MSRA: variants seen among roughly 807,000 people sequenced by gnomAD.
MSRA encodes the protein methionine sulfoxide reductase A, also known as mitochondrial peptide methionine sulfoxide reductase.
A neutral mutation model predicts 31.3 loss-of-function variants in MSRA; 54 were observed. That is an observed-to-expected ratio of 1.73 (90% CI 1.39 to 2.17). The LOEUF is 2.17. MSRA is among the 30% of genes most tolerant of loss of function. The pLI is 0.00. For synonymous variants in MSRA, 169 were observed against 116.5 expected, an observed-to-expected ratio of 1.45 and a Z score of -2.90; for missense variants, 507 against 300.9, an observed-to-expected ratio of 1.69 and a Z score of -5.07.
intron 3 of MSRA, among the ~76,000 whole-genome samples, chr8:10,298,784 C>T (rs11249983): frequency 0.2 from 30,595 of 152,030 alleles, 4,172 homozygotes; most frequent in East Asian, 0.65. Flanking sequence ...GAGTATACCA[C>T]GTTTGTTTCC....
intron 3 of MSRA, among the ~76,000 whole-genome samples, chr8:10,278,752 T>G (rs761739450): frequency 1.3e-5 from 2 of 152,204 alleles, no homozygotes; most frequent in Non-Finnish European, 2.9e-5. Flanking sequence ...CAGAAATGGT[T>G]AGTATTTGTG....
intron 5 of MSRA, among the ~76,000 whole-genome samples, chr8:10,384,790 T>C (rs1281702989): frequency 2.6e-5 from 4 of 152,134 alleles, no homozygotes; most frequent in Admixed American, 2.0e-4. Context: ...GGCAGATCCC[T>C]TGAGGACAGG....
intron 3 of MSRA, among the ~76,000 whole-genome samples, chr8:10,264,738 C>G (rs1798657724): frequency 6.6e-6 from 1 of 152,210 alleles, no homozygotes; most frequent in Non-Finnish European, 1.5e-5. Flanking sequence ...AGCCTTGAGT[C>G]TTGATGAATG....
intron 5 of MSRA, among the ~76,000 whole-genome samples, chr8:10,339,908 C>A (rs1803313521): frequency 6.6e-6 from 1 of 152,128 alleles, no homozygotes; most frequent in African/African-American, 2.4e-5. Context: ...TATGGTCTGC[C>A]CTTCTAGGCT....
intron 3 of MSRA, among the ~76,000 whole-genome samples, chr8:10,298,015 G>C (rs1163109906): frequency 6.6e-6 from 1 of 152,152 alleles, no homozygotes. Context: ...ATAGTAGGAG[G>C]TTGAGCTTCA....
chr8:10,175,142 C>A (rs1388251894), intron 1 of MSRA, among the ~76,000 whole-genome samples: 1 of 152,120 alleles, frequency 6.6e-6, no homozygotes, highest in Non-Finnish European at 1.5e-5. Context: ...TATGGCCGTC[C>A]CGGTCACTTC....
At chr8:10,356,811 A>G (rs1482224569) in intron 5 of MSRA, among the ~76,000 whole-genome samples, 1 of 150,862 alleles carries the variant, frequency 6.6e-6, no homozygotes, top group African/African-American at 2.4e-5. Context: ...CACCCAGTCC[A>G]TGGTATGTTG....
intron 1 of MSRA, among the ~76,000 whole-genome samples, chr8:10,073,197 G>A (rs1303772773): frequency 1.3e-5 from 2 of 152,096 alleles, no homozygotes; most frequent in Non-Finnish European, 1.5e-5. Flanking sequence ...ATCTATCTTA[G>A]GGGAAAAGCA....
chr8:10,342,627 A>G (rs1427563934), intron 5 of MSRA, among the ~76,000 whole-genome samples: 1 of 152,224 alleles, frequency 6.6e-6, no homozygotes, highest in East Asian at 1.9e-4. Flanking sequence ...ATCACTGAGC[A>G]GCACAGCTGG....
chr8:10,143,751 G>C (rs1802902261), intron 1 of MSRA, among the ~76,000 whole-genome samples: 1 of 152,152 alleles, frequency 6.6e-6, no homozygotes, highest in Non-Finnish European at 1.5e-5. Context: ...CCCATGGGAA[G>C]GGCAAGCACC....
At chr8:10,088,460 C>G (rs116405757) in intron 1 of MSRA, among the ~76,000 whole-genome samples, 1 of 152,018 alleles carries the variant, frequency 6.6e-6, no homozygotes, top group Non-Finnish European at 1.5e-5. Flanking sequence ...ACTGGCCAGG[C>G]GTGGTGGCTC....
chr8:10,261,553 C>G (rs183593392), intron 3 of MSRA, among the ~76,000 whole-genome samples: 2 of 151,830 alleles, frequency 1.3e-5, no homozygotes, highest in East Asian at 1.9e-4. Context: ...TTTTTAAGGA[C>G]TTTAATTTTT....
chr8:10,210,824 C>G (rs903100653), intron 2 of MSRA, among the ~76,000 whole-genome samples: 2 of 151,648 alleles, frequency 1.3e-5, no homozygotes, highest in African/African-American at 2.4e-5. Flanking sequence ...ACCTCCACTT[C>G]CCGAGTTCAA....
chr8:10,348,277 C>T (rs537461472), intron 5 of MSRA, among the ~76,000 whole-genome samples: 21 of 149,822 alleles, frequency 1.4e-4, no homozygotes, highest in Admixed American at 4.0e-4. Flanking sequence ...GCCTTCTCCG[C>T]GGAGATTTTT....
chr8:10,329,441 A>G (rs1802565977), intron 5 of MSRA, among the ~76,000 whole-genome samples: 1 of 152,178 alleles, frequency 6.6e-6, no homozygotes, highest in Non-Finnish European at 1.5e-5. Flanking sequence ...CTCGTCCTGC[A>G]TCTCTCTAAT....
At chr8:10,266,236 T>C (rs944741286) in intron 3 of MSRA, among the ~76,000 whole-genome samples, 1 of 152,270 alleles carries the variant, frequency 6.6e-6, no homozygotes, top group African/African-American at 2.4e-5. Flanking sequence ...TCCAGTTTCT[T>C]CACTTGCTCA....
chr8:10,274,857 A>G (rs773891617), intron 3 of MSRA, among the ~76,000 whole-genome samples: 3 of 152,082 alleles, frequency 2.0e-5, no homozygotes, highest in Non-Finnish European at 4.4e-5. Context: ...GCAACCATCC[A>G]TCTACCCACC....
intron 5 of MSRA, among the ~76,000 whole-genome samples, chr8:10,332,596 G>A (rs1802772146): frequency 6.6e-6 from 1 of 152,138 alleles, no homozygotes; most frequent in Non-Finnish European, 1.5e-5. Flanking sequence ...CCATTTCTGG[G>A]AGGCAGGCAC....
At chr8:10,375,851 G>A (rs1269825633) in intron 5 of MSRA, among the ~76,000 whole-genome samples, 1 of 152,218 alleles carries the variant, frequency 6.6e-6, no homozygotes, top group Non-Finnish European at 1.5e-5. Context: ...CTCTGAAGGA[G>A]AGAATTCCCC....
Sources: allele counts gnomAD v4.1 joint callset (sites outside exome capture counted in the v4.1 genomes callset), GRCh38; gene constraint gnomAD v4.1.1; transcripts MANE v1.5; gene names NCBI Gene and HGNC (gene_info 2026-07-23, HGNC 2026-07-21).